Variants in FAH observed in about 807,000 individuals in gnomAD.
FAH encodes fumarylacetoacetate hydrolase.
A neutral mutation model predicts 55.8 loss-of-function variants in FAH; 47 were observed. The ratio of observed to expected loss-of-function variants is 0.84; its 90% CI spans 0.67 to 1.07. The LOEUF is 1.07. Among genes scored for constraint, FAH ranks in the 50% least tolerant of loss-of-function variants. The pLI, the probability that FAH is intolerant of heterozygous loss-of-function variation, is 0.00. For synonymous variants in FAH, 199 were observed against 207.7 expected (o/e 0.96, Z 0.36); for missense variants, 495 against 545.9 (o/e 0.91, Z 0.93).
chr15:80,165,341 C>T (rs1182902824), intron 5 of FAH, among the ~76,000 whole-genome samples: 2 of 152,138 alleles, frequency 1.3e-5, no homozygotes, highest in Non-Finnish European at 2.9e-5. Flanking sequence ...CCAGCCTGGC[C>T]AACATGGTGA....
intron 2 of FAH, 116 bp downstream of exon 2, chr15:80,158,286 G>A: frequency 4.8e-6 from 4 of 832,756 alleles, no homozygotes; most frequent in East Asian, 2.4e-5. Flanking sequence ...GAAGGTCTCA[G>A]AGGTTATACT....
At chr15:80,185,807 T>C (rs2041365977) in intron 13 of FAH, among the ~76,000 whole-genome samples, 1 of 152,092 alleles carries the variant, frequency 6.6e-6, no homozygotes. Context: ...CACATGGGAA[T>C]TATGGGAGCT....
intron 11 of FAH, among the ~76,000 whole-genome samples, chr15:80,178,571 TTCCACAACTGACTTAA>T (rs2041303253): frequency 6.7e-6 from 1 of 149,806 alleles, no homozygotes; most frequent in Non-Finnish European, 1.5e-5. Flanking sequence ...TGTATAAATA[TTCCACAACTGACTTAA>T]TTTTTTTTTT....
intron 9 of FAH, 73 bp from the exon 10 acceptor site, chr15:80,174,943 C>A: frequency 7.7e-7 from 1 of 1,306,402 alleles, no homozygotes; most frequent in Non-Finnish European, 1.1e-6. Context: ...GGGGGCCTGG[C>A]TGGTATGGGG....
intron 1 of FAH, chr15:80,156,463 C>T (rs745898595): frequency 6.6e-6 from 1 of 152,258 alleles, no homozygotes; most frequent in Non-Finnish European, 1.5e-5. Context: ...AATCCTTCGC[C>T]CACACCAATC....
chr15:80,160,001 C>T, intron 3 of FAH, 124 bp downstream of exon 3: 2 of 1,279,314 alleles, frequency 1.6e-6, no homozygotes, highest in Non-Finnish European at 2.2e-6. Context: ...CAGACCTGCC[C>T]TCATCCAGCC....
intron 13 of FAH, among the ~76,000 whole-genome samples, chr15:80,181,631 G>A (rs2041332178): frequency 6.6e-6 from 1 of 152,090 alleles, no homozygotes; most frequent in Admixed American, 6.5e-5. Context: ...ATAATGGTTA[G>A]CAGCACACTC....
chr15:80,160,341 G>A, intron 3 of FAH, 69 bp from the exon 4 acceptor site: 1 of 1,494,698 alleles, frequency 6.7e-7, no homozygotes, highest in Non-Finnish European at 9.3e-7. Flanking sequence ...GATGGTCTGG[G>A]CTGAGCCCGT....
intron 3 of FAH, 178 bp downstream of exon 3, chr15:80,160,055 G>A (rs1376581398): frequency 7.9e-6 from 7 of 883,110 alleles, no homozygotes; most frequent in South Asian, 3.3e-5. Context: ...GGGAGGACTG[G>A]GATTGCCTTG....
At position 80,173,152 on chromosome 15, in the gene FAH, C is replaced by T. The variant is rs766656032; in HGVS notation, c.837+8C>T. ...GTGCCCAACCCGAAGCAGGTAAGCA[C>T]ATTCTCTGCAGGAAGCTCCCAAACC... On this transcript the variant is annotated splice_region_variant and intron_variant, in intron 9 of 13. Coordinates refer to ENST00000561421, the MANE Select transcript of FAH (RefSeq NM_000137.4). 10 of 1,614,106 alleles carry T rather than the reference C, an allele frequency of 6.2e-6. No homozygotes were observed. The South Asian group carries it at 9.9e-5, about 16-fold the overall frequency.
chr15:80,180,991 G>C (rs558027272), intron 12 of FAH, 51 bp from the exon 13 acceptor site: 2 of 1,478,038 alleles, frequency 1.4e-6, no homozygotes, highest in Non-Finnish European at 1.9e-6. Context: ...GTCCATGCCA[G>C]AGCCAAGGCA....
At position 80,159,743 on chromosome 15, in the gene FAH, G is replaced by C; in HGVS notation, c.193-13G>C. The C allele has an allele frequency of 6.2e-7, 1 of 1,614,130 alleles. No homozygotes were observed. The highest frequency in any genetic ancestry group is 8.5e-7 in the Non-Finnish European group (1 of 1,179,984). On this transcript the variant is annotated splice_polypyrimidine_tract_variant and intron_variant, in intron 2 of 13. Coordinates refer to ENST00000561421, the MANE Select transcript of FAH (RefSeq NM_000137.4). ...CCTGTACGTGATCTTTTTTCTCCCTGTTTTGGTCTTAGCCTACACTCAACA... is the reference window on the plus strand; with the variant it reads ...CCTGTACGTGATCTTTTTTCTCCCTCTTTTGGTCTTAGCCTACACTCAACA...
In FAH at chr15:80,180,131, A is replaced by G; in HGVS notation, c.968A>G (p.Tyr323Cys). 1.2e-6 allele frequency: 2 copies of G among 1,609,720 alleles called. No individual in the cohort carries two copies. Among genetic ancestry groups the G allele is most frequent in the South Asian group, 1.1e-5 (1 of 91,070 alleles). ...CGCGTCCATTGCCTGCAGTACATGT[A>G]CTGGACGATGCTGCAGCAGCTCACT... The part of the protein sequence containing the change: ...TICKSNFKYM[Y>C]WTMLQQLTHH... Residue 323 changes from tyrosine to cysteine, a missense_variant, in exon 12 of 14, where the codon TAC becomes TGC. Coordinates refer to ENST00000561421, the MANE Select transcript of FAH (RefSeq NM_000137.4).
chr15:80,159,999 C>A, intron 3 of FAH, 122 bp downstream of exon 3: 1 of 1,303,498 alleles, frequency 7.7e-7, no homozygotes, highest in Non-Finnish European at 1.1e-6. Context: ...GTCAGACCTG[C>A]CCTCATCCAG....
intron 8 of FAH, 134 bp from the exon 9 acceptor site, chr15:80,172,880 C>T (rs1292702517): frequency 1.7e-6 from 2 of 1,198,560 alleles, no homozygotes; most frequent in East Asian, 2.4e-5. Context: ...TGTCCTGGGG[C>T]AGCCTGACTG....
chr15:80,153,195 G>C, intron 1 of FAH, 60 bp downstream of exon 1: 1 of 1,147,530 alleles, frequency 8.7e-7, no homozygotes, highest in South Asian at 1.4e-5. Context: ...GTGGAGTGGA[G>C]TGGAGTGGAG....
At chr15:80,176,086 T>C (rs146302598) in intron 10 of FAH, among the ~76,000 whole-genome samples, 175 of 152,188 alleles carry the variant, frequency 1.1e-3, no homozygotes, top group African/African-American at 3.6e-3. Flanking sequence ...GGTGCGATCT[T>C]GGCTCACCAC....
Position 80,180,179 on chromosome 15 carries a change from A to C in FAH, c.1016A>C (p.Asn339Thr). The C allele has an allele frequency of 6.2e-7, 1 of 1,610,384 alleles. No homozygotes were observed. Among genetic ancestry groups the C allele is most frequent in the Non-Finnish European group, 8.5e-7 (1 of 1,179,962 alleles). The change falls in exon 12 of 14, where the codon AAC becomes ACC. Residue 339 changes from asparagine (N) to threonine (T), a missense_variant. Physicochemically the swap from Asn to Thr is moderately conservative, Grantham distance 65 (BLOSUM62 0). Transcript: ENST00000561421. ...ACTCACCACTCTGTCAACGGCTGCA[A>C]CCTGCGGCCGGGGGACCTCCTGGCT... ...QLTHHSVNGC[N>T]LRPGDLLASG...
intron 10 of FAH, among the ~76,000 whole-genome samples, chr15:80,176,448 T>A (rs1053151344): frequency 7.2e-5 from 11 of 152,208 alleles, no homozygotes; most frequent in Non-Finnish European, 1.3e-4. Context: ...CTGCAGGAGC[T>A]GTCGCCATGG....
Sources: allele counts gnomAD v4.1 joint callset (sites outside exome capture counted in the v4.1 genomes callset), GRCh38; gene constraint gnomAD v4.1.1; transcripts MANE v1.5; gene names NCBI Gene and HGNC (gene_info 2026-07-23, HGNC 2026-07-21).